Variants in TANC2 observed in about 807,000 individuals in gnomAD.
The protein encoded by TANC2 is tetratricopeptide repeat, ankyrin repeat and coiled-coil containing 2.
Under a neutral mutation model 210.5 loss-of-function variants are expected in TANC2, and 26 were observed. The observed-to-expected ratio is 0.12, with a 90% CI of 0.09 to 0.17. The LOEUF (loss-of-function observed/expected upper bound fraction) is 0.17. Ranked by LOEUF, TANC2 falls within the 10% of genes least tolerant of loss-of-function variation. The probability of loss-of-function intolerance (pLI) is 1.00; values close to 1 mark genes in which losing one functional copy is unlikely to be tolerated. For synonymous variants in TANC2, 931 were observed against 967.1 expected (o/e 0.96, Z 0.69); for missense variants, 2,129 against 2,608.9 (o/e 0.82, Z 4.01).
intron 8 of TANC2, among the ~76,000 whole-genome samples, chr17:63,244,149 C>G (rs1462880214): frequency 6.6e-6 from 1 of 152,162 alleles, no homozygotes; most frequent in African/African-American, 2.4e-5. Context: ...CTTTGGCTTG[C>G]TCAAAACACT....
intron 14 of TANC2, among the ~76,000 whole-genome samples, chr17:63,359,622 A>G (rs1278506375): frequency 6.6e-6 from 1 of 152,160 alleles, no homozygotes; most frequent in Non-Finnish European, 1.5e-5. Context: ...TGCTAGGATT[A>G]CAGGCATAAG....
chr17:63,353,803 C>A (rs964820193), intron 13 of TANC2, among the ~76,000 whole-genome samples: 1 of 151,998 alleles, frequency 6.6e-6, no homozygotes, highest in Non-Finnish European at 1.5e-5. Context: ...AGGTGAGATG[C>A]GTTGTGTCAA....
At chr17:63,069,667 T>TTACTACTAAAAGTACTAAAAGTACTATAC (rs2036326221) in intron 2 of TANC2, among the ~76,000 whole-genome samples, 1 of 152,200 alleles carries the variant, frequency 6.6e-6, no homozygotes, top group Non-Finnish European at 1.5e-5. Context: ...CCTGGTAACC[T>TTACTACTAAAAGTACTAAAAGTACTATAC]TACTAAAAGT....
In TANC2 at chr17:63,039,295, A is replaced by T. The variant is rs532877830; in HGVS notation, c.67+29669A>T. On this transcript the variant is annotated intron_variant, in intron 2 of 27. Coordinates refer to ENST00000689528, the Ensembl canonical transcript of TANC2. ...CCTTCTGAATCTTCATGATTAAAAA[A>T]TTCATTTATTTTTGGCTACTTAATA... 8.5e-5 allele frequency among the ~76,000 whole-genome samples: 13 copies of T among 152,278 alleles called. No homozygotes were observed. The South Asian group carries it at 2.7e-3, about 32-fold the overall frequency.
At chr17:63,133,833 A>G (rs183059356) in intron 4 of TANC2, among the ~76,000 whole-genome samples, 1 of 152,294 alleles carries the variant, frequency 6.6e-6, no homozygotes, top group East Asian at 1.9e-4. Flanking sequence ...GTAGAGTTTG[A>G]TGATTCCTAC....
intron 2 of TANC2, among the ~76,000 whole-genome samples, chr17:63,059,823 A>G (rs1044511085): frequency 6.6e-6 from 1 of 152,222 alleles, no homozygotes; most frequent in Admixed American, 6.5e-5. Context: ...CAGATGTTCC[A>G]GGTTCATTTA....
chr17:63,283,569 A>G (rs2044129147), intron 9 of TANC2, among the ~76,000 whole-genome samples: 1 of 151,932 alleles, frequency 6.6e-6, no homozygotes, highest in South Asian at 2.1e-4. Flanking sequence ...AGGGGGGAAG[A>G]TAGATAATTT....
In TANC2 at chr17:63,267,900, G is replaced by C. The variant is rs780043683; in HGVS notation, c.1159+27G>C. 2.5e-6 allele frequency: 4 copies of C among 1,590,768 alleles called. No individual in the cohort carries two copies. The South Asian group carries it at 4.6e-5, about 18-fold the overall frequency. On this transcript the variant is annotated intron_variant, in intron 9 of 27. Coordinates refer to ENST00000689528, the Ensembl canonical transcript of TANC2. ...TTAGAACCACAGAAGGGCTTTAAGG[G>C]TGCCCGGGAACAGATGGAAATGGGC... is the stretch of plus-strand genomic sequence containing the variant.
At chr17:63,155,229 A>G (rs1238443743) in intron 5 of TANC2, 1 of 152,050 alleles carries the variant, frequency 6.6e-6, no homozygotes, top group African/African-American at 2.4e-5. Context: ...AAACAAAAAC[A>G]AAACAACCTA....
chr17:63,120,137 C>T (rs536609265), intron 4 of TANC2, among the ~76,000 whole-genome samples: 1 of 150,362 alleles, frequency 6.7e-6, no homozygotes, highest in East Asian at 1.9e-4. Flanking sequence ...TATTCATTTT[C>T]AAGTAATCTT....
chr17:63,218,522 A>G (rs1377190168), intron 7 of TANC2, among the ~76,000 whole-genome samples: 1 of 152,170 alleles, frequency 6.6e-6, no homozygotes, highest in Non-Finnish European at 1.5e-5. Flanking sequence ...ATTAGAAAGG[A>G]AAAAGTAGAA....
intron 27 of TANC2, 39 bp from the exon 28 acceptor site, chr17:63,419,960 G>C: frequency 1.3e-6 from 2 of 1,494,848 alleles, no homozygotes; most frequent in Non-Finnish European, 1.8e-6. Context: ...TCTGGATTCA[G>C]AATAACTCCA....
At chr17:63,385,695 G>A (rs1439860674) in intron 15 of TANC2, among the ~76,000 whole-genome samples, 1 of 152,204 alleles carries the variant, frequency 6.6e-6, no homozygotes, top group East Asian at 1.9e-4. Context: ...ACCCAGCTCT[G>A]GGTGCCTACA....
intron 3 of TANC2, among the ~76,000 whole-genome samples, chr17:63,083,260 G>A (rs2036844216): frequency 6.6e-6 from 1 of 152,132 alleles, no homozygotes; most frequent in East Asian, 1.9e-4. Context: ...TCTTCATCCA[G>A]ACCAAGTGAT....
At chr17:63,163,347 A>G (rs987624292) in intron 5 of TANC2, among the ~76,000 whole-genome samples, 1 of 152,198 alleles carries the variant, frequency 6.6e-6, no homozygotes, top group Non-Finnish European at 1.5e-5. Flanking sequence ...GAGGAAGTCA[A>G]CAAACTGAGG....
chr17:63,253,731 C>A (rs1425175100), intron 8 of TANC2, among the ~76,000 whole-genome samples: 2 of 152,096 alleles, frequency 1.3e-5, no homozygotes, highest in African/African-American at 4.8e-5. Flanking sequence ...AGTGATTCTC[C>A]CACCTCAGAC....
chr17:63,271,369 T>C (rs116521969), intron 9 of TANC2, among the ~76,000 whole-genome samples: 1,909 of 152,200 alleles, frequency 0.013, 48 homozygotes, highest in African/African-American at 0.044. Context: ...CAGACTGTTA[T>C]GAGACGGTAT....
intron 3 of TANC2, among the ~76,000 whole-genome samples, chr17:63,082,190 A>C (rs1293069679): frequency 1.3e-5 from 2 of 152,194 alleles, no homozygotes; most frequent in African/African-American, 4.8e-5. Flanking sequence ...AAGTTCAGAA[A>C]AGGTATGAAC....
intron 1 of TANC2, among the ~76,000 whole-genome samples, chr17:62,977,020 CCT>C (rs1394907148): frequency 6.6e-6 from 1 of 152,158 alleles, no homozygotes; most frequent in African/African-American, 2.4e-5. Flanking sequence ...TATAAATGAC[CCT>C]GTCTCCTTTG....
Sources: gnomAD v4.1 joint callset for allele counts (sites outside exome capture counted in the v4.1 genomes callset) on GRCh38, gnomAD v4.1.1 for gene constraint, MANE v1.5 for transcripts, NCBI Gene and HGNC (gene_info 2026-07-23, HGNC 2026-07-21) for gene names.